GALNTL6: variants seen among roughly 807,000 people sequenced by gnomAD.
GALNTL6 encodes the protein polypeptide N-acetylgalactosaminyltransferase-like 6.
Under a neutral mutation model 73.7 loss-of-function variants are expected in GALNTL6, and 46 were observed. That is an observed-to-expected ratio of 0.62 (90% CI 0.49 to 0.80). The LOEUF is 0.80. Ranked by LOEUF, GALNTL6 falls within the 30% of genes least tolerant of loss-of-function variation. GALNTL6 has a pLI of 0.00. For synonymous variants in GALNTL6, 259 were observed against 263.7 expected, an observed-to-expected ratio of 0.98 and a Z score of 0.17; for missense variants, 604 against 755.0, an observed-to-expected ratio of 0.80 and a Z score of 2.34.
Position 172,297,049 on chromosome 4 carries a change from G to A in GALNTL6, c.248-14565G>A, listed in dbSNP as rs530114830. ...GTTGTTTCCTGACTTTTTAATGATCGCCATTCTGACTGGTGTGAGATGGTA... is the reference window on the plus strand; with the variant it reads ...GTTGTTTCCTGACTTTTTAATGATCACCATTCTGACTGGTGTGAGATGGTA... On this transcript the variant is annotated intron_variant, in intron 3 of 12. Coordinates refer to ENST00000506823, the MANE Select transcript of GALNTL6 (RefSeq NM_001034845.3). 9.2e-5 allele frequency among the ~76,000 whole-genome samples: 14 copies of A among 152,106 alleles called. No homozygotes were observed. In the South Asian group the frequency reaches 1.2e-3, roughly 14 times the overall value.
chr4:172,280,665 C>A (rs2111078121), intron 3 of GALNTL6, among the ~76,000 whole-genome samples: 1 of 152,004 alleles, frequency 6.6e-6, no homozygotes, highest in South Asian at 2.1e-4. Flanking sequence ...ACTTTATAAT[C>A]AATATCTGTC....
intron 5 of GALNTL6, among the ~76,000 whole-genome samples, chr4:172,771,234 C>T (rs1738744210): frequency 1.3e-5 from 2 of 152,130 alleles, no homozygotes; most frequent in South Asian, 2.1e-4. Context: ...AAGTGAAAAA[C>T]TTGCCTGAGA....
chr4:171,982,977 A>T (rs1739950059), intron 2 of GALNTL6, among the ~76,000 whole-genome samples: 1 of 152,188 alleles, frequency 6.6e-6, no homozygotes, highest in Non-Finnish European at 1.5e-5. Context: ...ACAAGAATGT[A>T]ACCATCTGCT....
intron 5 of GALNTL6, among the ~76,000 whole-genome samples, chr4:172,390,031 T>C (rs111982021): frequency 0.031 from 4,719 of 152,230 alleles, 238 homozygotes; most frequent in African/African-American, 0.1. Flanking sequence ...TTTCTCACAT[T>C]TGTATTGTAG....
chr4:172,417,128 A>G (rs1438885271), intron 5 of GALNTL6, among the ~76,000 whole-genome samples: 1 of 152,114 alleles, frequency 6.6e-6, no homozygotes, highest in African/African-American at 2.4e-5. Context: ...AATATTGTCT[A>G]AAAACTCGGT....
rs189696055 is a variant in GALNTL6, at chr4:172,326,309, T to A, written c.386+14557T>A. 3.9e-5 allele frequency among the ~76,000 whole-genome samples: 6 copies of A among 152,116 alleles called. No individual in the cohort carries two copies. The East Asian group carries it at 1.2e-3, about 29-fold the overall frequency. ...AAGAGCAAAATAAATTCAAATAATATCTTACTGGATTTGTGAAATTATCTG... is the reference window on the plus strand; with the variant it reads ...AAGAGCAAAATAAATTCAAATAATAACTTACTGGATTTGTGAAATTATCTG... On this transcript the variant is annotated intron_variant, in intron 4 of 12. Coordinates refer to ENST00000506823, the MANE Select transcript of GALNTL6 (RefSeq NM_001034845.3).
intron 5 of GALNTL6, among the ~76,000 whole-genome samples, chr4:172,775,452 TG>T (rs1483782074): frequency 6.6e-6 from 1 of 152,216 alleles, no homozygotes; most frequent in Non-Finnish European, 1.5e-5. Flanking sequence ...AGCACAAACG[TG>T]GGGCTCATGT....
intron 3 of GALNTL6, among the ~76,000 whole-genome samples, chr4:172,287,268 T>C (rs1041238011): frequency 1.3e-4 from 20 of 152,152 alleles, no homozygotes; most frequent in Admixed American, 6.5e-5. Flanking sequence ...AATCCAACAC[T>C]CTGCCTCAGC....
chr4:172,581,657 A>T (rs1323932553), intron 5 of GALNTL6, among the ~76,000 whole-genome samples: 1 of 152,136 alleles, frequency 6.6e-6, no homozygotes, highest in Non-Finnish European at 1.5e-5. Flanking sequence ...TAGACCCTCC[A>T]GTGATTTTCC....
chr4:171,876,446 C>T (rs1386153479), intron 2 of GALNTL6, among the ~76,000 whole-genome samples: 1 of 152,112 alleles, frequency 6.6e-6, no homozygotes, highest in Non-Finnish European at 1.5e-5. Flanking sequence ...TTGATAATTA[C>T]TTTATGACTC....
At chr4:172,315,986 G>T (rs916212916) in intron 4 of GALNTL6, among the ~76,000 whole-genome samples, 1 of 151,922 alleles carries the variant, frequency 6.6e-6, no homozygotes, top group Non-Finnish European at 1.5e-5. Context: ...ATGTAAAAAT[G>T]GCCTATATAG....
At chr4:172,004,099 A>G (rs542344528) in intron 2 of GALNTL6, among the ~76,000 whole-genome samples, 23 of 152,300 alleles carry the variant, frequency 1.5e-4, no homozygotes, top group African/African-American at 5.3e-4. Context: ...TCATAAGTGG[A>G]CAACTTTCAA....
intron 5 of GALNTL6, among the ~76,000 whole-genome samples, chr4:172,797,510 G>C (rs530005391): frequency 6.6e-6 from 1 of 152,082 alleles, no homozygotes; most frequent in Admixed American, 6.5e-5. Context: ...CTCCCAAAGT[G>C]CTAGGGTTAC....
intron 3 of GALNTL6, among the ~76,000 whole-genome samples, chr4:172,241,114 T>C (rs148084790): frequency 6.6e-6 from 1 of 152,298 alleles, no homozygotes; most frequent in Non-Finnish European, 1.5e-5. Flanking sequence ...GTTAGCAAAA[T>C]ATTTTTGCTA....
At chr4:172,116,530 G>A (rs1045223365) in intron 2 of GALNTL6, among the ~76,000 whole-genome samples, 5 of 152,094 alleles carry the variant, frequency 3.3e-5, no homozygotes, top group East Asian at 1.9e-4. Context: ...TCACCTTCCC[G>A]AAGTGCTGGG....
intron 2 of GALNTL6, among the ~76,000 whole-genome samples, chr4:171,954,010 G>A (rs978028881): frequency 6.6e-6 from 1 of 152,096 alleles, no homozygotes; most frequent in Admixed American, 6.6e-5. Flanking sequence ...TGTCTAGTAA[G>A]GTTGATGTGC....
Position 172,812,252 on chromosome 4 carries a change from C to T in GALNTL6, c.740-1288C>T, listed in dbSNP as rs1741352125. Among the ~76,000 whole-genome samples the T allele has an allele frequency of 2.6e-5, 4 of 152,200 alleles. No homozygotes were observed. In the South Asian group the frequency reaches 8.3e-4, roughly 31 times the overall value. ...AAGAGAAACTTCTGAAGCAAACGGACAGTTTCCTTACTGCAAGAACTTTAT... is the reference window on the plus strand; with the variant it reads ...AAGAGAAACTTCTGAAGCAAACGGATAGTTTCCTTACTGCAAGAACTTTAT... On this transcript the variant is annotated intron_variant, in intron 6 of 12. Transcript: ENST00000506823.
At chr4:172,905,836 A>AAAAC (rs1746860279) in intron 8 of GALNTL6, among the ~76,000 whole-genome samples, 1 of 135,092 alleles carries the variant, frequency 7.4e-6, no homozygotes, top group Non-Finnish European at 1.6e-5. Context: ...AAAAAAAAAA[A>AAAAC]GGAGAACAAG....
intron 12 of GALNTL6, among the ~76,000 whole-genome samples, chr4:173,038,594 A>T (rs1443722889): frequency 6.6e-6 from 1 of 152,230 alleles, no homozygotes; most frequent in Non-Finnish European, 1.5e-5. Flanking sequence ...AAACTCATAA[A>T]GAGAGCAGAA....
Sources: gnomAD v4.1 joint callset for allele counts (sites outside exome capture counted in the v4.1 genomes callset) on GRCh38, gnomAD v4.1.1 for gene constraint, MANE v1.5 for transcripts, NCBI Gene and HGNC (gene_info 2026-07-23, HGNC 2026-07-21) for gene names.